The following ELMOD1 variants were observed in gnomAD, a reference collection of about 807,000 sequenced individuals.
ELMOD1 encodes ELMO domain-containing protein 1.
A neutral mutation model predicts 46.7 loss-of-function variants in ELMOD1; 21 were observed. That is an observed-to-expected ratio of 0.45 (90% CI 0.32 to 0.65). ELMOD1 has a LOEUF of 0.65. ELMOD1 is among the 30% of genes least tolerant of loss of function. The probability of loss-of-function intolerance (pLI) is 0.04; values close to 1 mark genes in which losing one functional copy is unlikely to be tolerated. For synonymous variants in ELMOD1, 122 were observed against 138.2 expected (o/e 0.88, Z 0.82); for missense variants, 348 against 407.8 (o/e 0.85, Z 1.26).
chr11:107,665,264 G>T lies in ELMOD1; in HGVS notation c.*67G>T. 6.6e-7 allele frequency: 1 copy of T among 1,523,280 alleles called. No homozygotes were observed. Among genetic ancestry groups the T allele is most frequent in the South Asian group, 1.2e-5 (1 of 81,642 alleles). 94.4% of individuals were successfully genotyped at this position (1,523,280 alleles called of 1,614,324 possible). A position where few individuals can be genotyped will look rare whatever the true frequency, so the allele number is the denominator to read the frequency against. On this transcript the variant is annotated 3_prime_UTR_variant, in exon 12 of 12. Coordinates refer to ENST00000265840, the MANE Select transcript of ELMOD1 (RefSeq NM_018712.4). The stretch of plus-strand genomic sequence containing the variant: ...CATTGTCTTGTTAGATCTCTGCTTA[G>T]GTCGCAGCTCACGCATTGAATGCAC...
At position 107,606,244 on chromosome 11, in the gene ELMOD1, C is replaced by G. The variant is rs375973706; in HGVS notation, c.-85-11861C>G. Among the ~76,000 whole-genome samples, 337 of 152,282 alleles carry G rather than the reference C, an allele frequency of 2.2e-3. 3 individuals are homozygous for G. Among genetic ancestry groups the G allele is most frequent in the African/African-American group, 7.2e-3 (300 of 41,564 alleles). ...TAGCCATTATCTCAATTTGCTAATT[C>G]AAACCTAAGTGAATCTGATACTTGG... is the stretch of plus-strand genomic sequence containing the variant. On this transcript the variant is annotated intron_variant, in intron 1 of 11. Coordinates refer to ENST00000265840, the MANE Select transcript of ELMOD1 (RefSeq NM_018712.4).
At chr11:107,663,289 C>T (rs1489959944) in intron 11 of ELMOD1, among the ~76,000 whole-genome samples, 2 of 152,046 alleles carry the variant, frequency 1.3e-5, no homozygotes, top group South Asian at 2.1e-4. Context: ...GTACCCTCAT[C>T]AGAAATGTTA....
At chr11:107,633,775 C>T (rs371931965) in intron 5 of ELMOD1, among the ~76,000 whole-genome samples, 2 of 152,074 alleles carry the variant, frequency 1.3e-5, no homozygotes, top group South Asian at 2.1e-4. Context: ...TCTTATATTC[C>T]GTCCATTCTC....
chr11:107,598,586 T>C (rs1865534748), intron 1 of ELMOD1, among the ~76,000 whole-genome samples: 1 of 152,146 alleles, frequency 6.6e-6, no homozygotes, highest in Non-Finnish European at 1.5e-5. Flanking sequence ...CACTCCCCAC[T>C]CTAGGAGATG....
intron 11 of ELMOD1, among the ~76,000 whole-genome samples, chr11:107,660,673 T>A (rs1866723648): frequency 6.6e-6 from 1 of 152,184 alleles, no homozygotes; most frequent in South Asian, 2.1e-4. Flanking sequence ...TTCAAGGAAC[T>A]CATCTAAGCC....
Position 107,665,149 on chromosome 11 carries a change from G to T in ELMOD1, c.957G>T (p.Met319Ile). ...TCAAACAGCTGCAGAACCCAGACAT[G>T]GCGCTGTGCCCACATTTTGCTGCCT... The part of the protein sequence containing the change: ...RIIKQLQNPD[M>I]ALCPHFAASE... Residue 319 changes from methionine to isoleucine, a missense_variant, in exon 12 of 12, where the codon ATG becomes ATT. By Grantham distance (10) the Met-to-Ile change is conservative (BLOSUM62 1). Transcript: ENST00000265840. The T allele has an allele frequency of 6.2e-7, 1 of 1,613,950 alleles. No homozygotes were observed. The highest frequency in any genetic ancestry group is 8.5e-7 in the Non-Finnish European group (1 of 1,179,872).
chr11:107,657,630 C>A (rs1287330369), intron 11 of ELMOD1, among the ~76,000 whole-genome samples: 1 of 152,144 alleles, frequency 6.6e-6, no homozygotes, highest in African/African-American at 2.4e-5. Context: ...TACTACCTTA[C>A]CAATCAAGTA....
chr11:107,660,151 A>G (rs1359348101), intron 11 of ELMOD1, among the ~76,000 whole-genome samples: 1 of 152,124 alleles, frequency 6.6e-6, no homozygotes, highest in African/African-American at 2.4e-5. Context: ...CCTGTGTAAT[A>G]TTCTTGCAAT....
rs35291603 is a variant in ELMOD1 at position 107,630,453 on chromosome 11, A to G, written c.54A>G (p.Lys18=). The stretch of plus-strand genomic sequence containing the variant: ...AGGTATGCCTGTATTTTTACTGTAA[A>G]TTTCTGTGGCGCTGCCTGAAATTTG... ...LIQVCLYFYC[K]FLWRCLKFVM... Residue 18 remains lysine, a synonymous_variant, in exon 3 of 12, where the codon AAA becomes AAG. Transcript: ENST00000265840. 3,567 of 1,603,900 alleles carry G rather than the reference A, an allele frequency of 2.2e-3. 7 individuals carry two copies. The highest frequency in any genetic ancestry group is 2.9e-3 in the Non-Finnish European group (3,454 of 1,174,850).
At chr11:107,642,970 C>T in intron 6 of ELMOD1, 1 of 300,048 alleles carries the variant, frequency 3.3e-6, no homozygotes, top group Middle Eastern at 1.3e-3. Flanking sequence ...ATCAAATTTT[C>T]TTTTATCACA....
chr11:107,659,998 C>T (rs776036273), intron 11 of ELMOD1, among the ~76,000 whole-genome samples: 1 of 152,100 alleles, frequency 6.6e-6, no homozygotes, highest in Non-Finnish European at 1.5e-5. Flanking sequence ...TTTCCGAAGG[C>T]CCTCATCAGG....
intron 6 of ELMOD1, among the ~76,000 whole-genome samples, chr11:107,636,412 TAAGA>T (rs1376312182): frequency 6.6e-6 from 1 of 152,154 alleles, no homozygotes; most frequent in Non-Finnish European, 1.5e-5. Flanking sequence ...CTAAAGAAAT[TAAGA>T]CCCCACAATA....
Position 107,654,269 on chromosome 11 carries a change from C to G in ELMOD1, c.698+47C>G, listed in dbSNP as rs375057594. ...GAAAGATGGTCCGTCTGAAACAGAA[C>G]CAGAACTAGAACTAGAGTATCATGA... On this transcript the variant is annotated intron_variant, in intron 10 of 11. Coordinates refer to ENST00000265840, the MANE Select transcript of ELMOD1 (RefSeq NM_018712.4). 17 of 1,497,040 alleles carry G rather than the reference C, an allele frequency of 1.1e-5. No homozygotes were observed. The African/African-American group carries it at 2.3e-4, about 21-fold the overall frequency. The allele number at this position is 1,497,040 out of a possible 1,614,324, so 92.7% of individuals were successfully genotyped here. A position where few individuals can be genotyped will look rare whatever the true frequency, so the allele number is the denominator to read the frequency against.
intron 6 of ELMOD1, chr11:107,643,277 G>A (rs768515268): frequency 2.5e-4 from 46 of 182,044 alleles, no homozygotes; most frequent in Non-Finnish European, 4.5e-4. Context: ...TGAGGAAGGA[G>A]AATCGCTTTA....
rs201524635 is a variant in ELMOD1 at position 107,631,612 on chromosome 11, C to T, written c.225C>T (p.Asp75=). The T allele has an allele frequency of 8.9e-6, 14 of 1,565,422 alleles. No individual in the cohort carries two copies. Among genetic ancestry groups the T allele is most frequent in the South Asian group, 2.4e-5 (2 of 84,310 alleles). Residue 75 remains aspartate (D), a synonymous_variant, in exon 5 of 12, where the codon GAC becomes GAT. Coordinates refer to ENST00000265840, the MANE Select transcript of ELMOD1 (RefSeq NM_018712.4). The part of the protein sequence containing the change: ...LLQTSVSVHP[D]AIEKTIEDIM... Reference sequence around the variant, plus strand: ...AGACTTCTGTGAGTGTTCACCCCGACGCTATTGAAAAAACTATAGAAGATA... The same window carrying T: ...AGACTTCTGTGAGTGTTCACCCCGATGCTATTGAAAAAACTATAGAAGATA...
intron 2 of ELMOD1, 87 bp from the exon 3 acceptor site, chr11:107,630,330 C>G: frequency 7.9e-7 from 1 of 1,270,276 alleles, no homozygotes; most frequent in Admixed American, 2.8e-5. Flanking sequence ...CTGATTTTCT[C>G]CTGGGCTTCT....
chr11:107,652,102 C>T (rs1029539215), intron 9 of ELMOD1, among the ~76,000 whole-genome samples: 1 of 152,304 alleles, frequency 6.6e-6, no homozygotes, highest in Non-Finnish European at 1.5e-5. Flanking sequence ...TTAATTACTT[C>T]AAACTGATGG....
At chr11:107,607,263 T>G (rs1865701131) in intron 1 of ELMOD1, among the ~76,000 whole-genome samples, 1 of 152,216 alleles carries the variant, frequency 6.6e-6, no homozygotes, top group Admixed American at 6.5e-5. Flanking sequence ...AACTAAAATT[T>G]TTCACATACA....
At chr11:107,646,964 A>G (rs928857605) in intron 6 of ELMOD1, among the ~76,000 whole-genome samples, 2 of 151,596 alleles carry the variant, frequency 1.3e-5, no homozygotes, top group African/African-American at 2.4e-5. Context: ...CTATCTATCT[A>G]TCTATCTATC....
Sources: allele counts gnomAD v4.1 joint callset (sites outside exome capture counted in the v4.1 genomes callset), GRCh38; gene constraint gnomAD v4.1.1; transcripts MANE v1.5; gene names NCBI Gene and HGNC (gene_info 2026-07-23, HGNC 2026-07-21).